The following TUBGCP2 variants were observed in gnomAD, a reference collection of about 807,000 sequenced individuals.
TUBGCP2 encodes tubulin gamma complex component 2.
Under a neutral mutation model 92.2 loss-of-function variants are expected in TUBGCP2, and 55 were observed. The ratio of observed to expected loss-of-function variants is 0.60; its 90% CI spans 0.48 to 0.75. TUBGCP2 has a LOEUF of 0.75. TUBGCP2 is among the 30% of genes least tolerant of loss of function. The pLI is 0.00. For synonymous variants in TUBGCP2, 533 were observed against 505.2 expected (o/e 1.06, Z -0.74); for missense variants, 1,093 against 1,188.9 (o/e 0.92, Z 1.19).
At chr10:133,297,363 A>C (rs1365165136) in intron 5 of TUBGCP2, 3 of 439,300 alleles carry the variant, frequency 6.8e-6, no homozygotes, top group Non-Finnish European at 1.4e-5. Context: ...ACGCCACTGC[A>C]CTTCAGCCTG....
At chr10:133,310,361 T>C, upstream of TUBGCP2, 1 of 1,587,210 alleles carries the variant, frequency 6.3e-7, no homozygotes, top group South Asian at 1.1e-5. Flanking sequence ...CCGGAATGCA[T>C]AGACGGTCAG....
At chr10:133,283,281 T>C in intron 14 of TUBGCP2, 60 bp from the exon 15 acceptor site, 1 of 1,607,112 alleles carries the variant, frequency 6.2e-7, no homozygotes, top group Non-Finnish European at 8.5e-7. Flanking sequence ...GGGCCCTGCA[T>C]GCGCACGTGC....
chr10:133,296,016 G>A (rs1847479844), intron 5 of TUBGCP2: 1 of 152,524 alleles, frequency 6.6e-6, no homozygotes, highest in African/African-American at 2.4e-5. Flanking sequence ...GCCGTGGGAG[G>A]GAGGTGGGGC....
At position 133,285,461 on chromosome 10, in the gene TUBGCP2, G is replaced by T; in HGVS notation, c.1890C>A (p.Ile630=). The T allele has an allele frequency of 6.2e-7, 1 of 1,613,586 alleles. No individual in the cohort carries two copies. Among genetic ancestry groups the T allele is most frequent in the Non-Finnish European group, 8.5e-7 (1 of 1,179,898 alleles). ...YIVKWPLSLI[I]NRKALTRYQM... ...CCCGAGCAGCCGACCCGCACCTGTT[G>T]ATGATGAGCGAAAGGGGCCACTTGA... Residue 630 remains isoleucine, a synonymous_variant, in exon 12 of 18, where the codon ATC becomes ATA. Transcript: ENST00000252936. This position sits in a 1 kb window ranked among gnomAD's most constrained non-coding sequence, Gnocchi z 6.8.
intron 8 of TUBGCP2, chr10:133,290,586 G>A (rs900577196): frequency 2.0e-5 from 3 of 152,164 alleles, no homozygotes; most frequent in East Asian, 1.9e-4. Flanking sequence ...GAGAATGTAC[G>A]GTCCGCAGAG....
rs748574647 is a variant in TUBGCP2 at position 133,302,909 on chromosome 10, A to T, written c.33T>A (p.Asn11Lys). MSEFRIHHDV[N>K]ELLSLLRVHG... is the part of the protein sequence containing the mutation. ...GGACACGCAGCAGGCTAAGCAGTTC[A>T]TTGACGTCATGGTGAATCCGAAATT... The change falls in exon 2 of 18, where the codon AAT (asparagine) becomes AAA (lysine). Residue 11 changes from asparagine to lysine, a missense_variant. Physicochemically the swap from Asn to Lys is moderately conservative, Grantham distance 94 (BLOSUM62 0). This residue lies in a region of TUBGCP2 where 490 missense variants were observed against 488.5 expected (regional missense o/e 1.00). Coordinates refer to ENST00000252936, the MANE Select transcript of TUBGCP2 (RefSeq NM_006659.4). 4 of 1,613,946 alleles carry T rather than the reference A, an allele frequency of 2.5e-6. No individual in the cohort carries two copies.
chr10:133,297,992 C>T lies in TUBGCP2; in HGVS notation c.576G>A (p.Leu192=). 6.2e-7 allele frequency: 1 copy of T among 1,613,948 alleles called. No homozygotes were observed. Among genetic ancestry groups the T allele is most frequent in the Non-Finnish European group, 8.5e-7 (1 of 1,179,920 alleles). Residue 192 remains leucine, a synonymous_variant, in exon 5 of 18, where the codon CTG becomes CTA. Transcript: ENST00000252936. ...TGTCTGTGCTGATGCCAGCACCAAT[C>T]AGGAAATCCCCGATCAGGGCAGGTC... ...YERPALIGDF[L]IGAGISTDTA...
At chr10:133,307,330 TCCA>T (rs1447106336) in intron 1 of TUBGCP2, among the ~76,000 whole-genome samples, 1 of 152,114 alleles carries the variant, frequency 6.6e-6, no homozygotes, top group Non-Finnish European at 1.5e-5. Flanking sequence ...CATGTCACAC[TCCA>T]CCACGGACAA....
At position 133,293,755 on chromosome 10, in the gene TUBGCP2, C is replaced by T; in HGVS notation, c.631G>A (p.Ala211Thr). 1 of 1,591,130 alleles carries T rather than the reference C, an allele frequency of 6.3e-7. No homozygotes were observed. The highest frequency in any genetic ancestry group is 8.5e-7 in the Non-Finnish European group (1 of 1,169,846). The part of the protein sequence containing the change: ...TALPIGTLPL[A>T]SQESAVVEDL... ...TCCACCACGGCCGACTCCTGCGAGG[C>T]CAGGGGCAACGTGCCTGCGGGCACA... Residue 211 changes from alanine to threonine, a missense_variant, in exon 6 of 18, where the codon GCC becomes ACC. Ala to Thr is a moderately conservative substitution (Grantham distance 58, BLOSUM62 0). Coordinates refer to ENST00000252936, the MANE Select transcript of TUBGCP2 (RefSeq NM_006659.4).
intron 1 of TUBGCP2, 115 bp from the exon 2 acceptor site, chr10:133,303,095 C>A (rs1847714994): frequency 3.2e-6 from 3 of 950,364 alleles, no homozygotes; most frequent in Non-Finnish European, 1.5e-6. Context: ...TATCACCTGG[C>A]CTGCCTGGCC....
chr10:133,291,123 C>A, intron 8 of TUBGCP2: 1 of 329,512 alleles, frequency 3.0e-6, no homozygotes, highest in Admixed American at 4.6e-5. Context: ...CCATAAGCAG[C>A]TGGGCCATTC....
At chr10:133,291,225 G>T (rs1328023835) in intron 8 of TUBGCP2, among the ~76,000 whole-genome samples, 1 of 150,598 alleles carries the variant, frequency 6.6e-6, no homozygotes, top group African/African-American at 2.5e-5. Flanking sequence ...CCCCCAGAGA[G>T]GGCAGCACGC....
At chr10:133,282,448 G>T in intron 15 of TUBGCP2, 106 bp from the exon 16 acceptor site, 1 of 1,420,932 alleles carries the variant, frequency 7.0e-7, no homozygotes, top group Non-Finnish European at 9.3e-7. Flanking sequence ...CTCTGTTGTA[G>T]CCTGCGGCTG....
At chr10:133,293,854 A>G in intron 5 of TUBGCP2, 85 bp from the exon 6 acceptor site, 2 of 1,299,960 alleles carry the variant, frequency 1.5e-6, no homozygotes, top group Non-Finnish European at 1.1e-6. Context: ...GGTCAGTCTC[A>G]CTCTTGCTCA....
chr10:133,289,650 C>A (rs773560923), intron 9 of TUBGCP2, among the ~76,000 whole-genome samples, 174 bp downstream of exon 9: 2 of 152,206 alleles, frequency 1.3e-5, no homozygotes, highest in South Asian at 2.1e-4. Context: ...CCTAACTCAG[C>A]GCCGCAGCCC....
intron 4 of TUBGCP2, 130 bp downstream of exon 4, chr10:133,299,297 T>G: frequency 1.4e-6 from 1 of 736,890 alleles, no homozygotes; most frequent in Non-Finnish European, 2.1e-6. Context: ...GGATTCATTT[T>G]CAATAAATGA....
At chr10:133,306,256 A>G (rs1847816213) in intron 1 of TUBGCP2, among the ~76,000 whole-genome samples, 1 of 152,240 alleles carries the variant, frequency 6.6e-6, no homozygotes, top group Non-Finnish European at 1.5e-5. Context: ...TGTGAAGCAG[A>G]AAAGACAGCC....
intron 1 of TUBGCP2, 27 bp from the exon 2 acceptor site, chr10:133,303,007 A>G: frequency 3.8e-6 from 6 of 1,592,478 alleles, no homozygotes; most frequent in Non-Finnish European, 5.2e-6. Context: ...AGCTATTCAT[A>G]AAATTCAAAC....
upstream of TUBGCP2, chr10:133,312,029 G>T: frequency 6.5e-7 from 1 of 1,535,640 alleles, no homozygotes; most frequent in Non-Finnish European, 8.8e-7. Flanking sequence ...AGTTTCTCTC[G>T]CATACTCTGT....
Sources: gnomAD v4.1 joint callset for allele counts (sites outside exome capture counted in the v4.1 genomes callset) on GRCh38, gnomAD v4.1.1 for gene constraint, gnomAD v4.1.1 regional missense constraint, Gnocchi (gnomAD v3.1) non-coding constraint, MANE v1.5 for transcripts, NCBI Gene and HGNC (gene_info 2026-07-23, HGNC 2026-07-21) for gene names.